The following VWA3A variants were observed in gnomAD, a reference collection of about 807,000 sequenced individuals.
VWA3A encodes the protein von Willebrand factor A domain-containing protein 3A.
A neutral mutation model predicts 160.4 loss-of-function variants in VWA3A; 134 were observed. That is an observed-to-expected ratio of 0.84 (90% CI 0.73 to 0.96). The LOEUF (loss-of-function observed/expected upper bound fraction) is 0.96, where lower values mean the gene tolerates loss of function less well. Ranked by LOEUF, VWA3A falls within the 40% of genes least tolerant of loss-of-function variation. The probability of loss-of-function intolerance (pLI) is 0.00; values close to 1 mark genes in which losing one functional copy is unlikely to be tolerated. For missense variants in VWA3A, 1,310 were observed against 1,447.9 expected (o/e 0.90, Z 1.55); for synonymous variants, 476 against 543.4 (o/e 0.88, Z 1.72).
chr16:22,120,192 G>A lies in VWA3A; in HGVS notation c.1117-776G>A, dbSNP rs28434338. ...TAACTTGCCTGAGATTGCAAAGATAGAAATAGATTGAGTTTGGATTGAACC... is the reference window on the plus strand; with the variant it reads ...TAACTTGCCTGAGATTGCAAAGATAAAAATAGATTGAGTTTGGATTGAACC... On this transcript the variant is annotated intron_variant, in intron 12 of 33. Transcript: ENST00000389398. 6.6e-5 allele frequency among the ~76,000 whole-genome samples: 10 copies of A among 152,236 alleles called. No homozygotes were observed. In the South Asian group the frequency reaches 2.1e-3, roughly 32 times the overall value.
intron 9 of VWA3A, 74 bp from the exon 10 acceptor site, chr16:22,116,685 T>C (rs2045653730): frequency 8.4e-7 from 1 of 1,194,756 alleles, no homozygotes; most frequent in African/African-American, 1.5e-5. Flanking sequence ...TCCTTGGGAA[T>C]TACCGTTTTG....
intron 25 of VWA3A, among the ~76,000 whole-genome samples, chr16:22,143,703 G>A (rs769771719): frequency 5.9e-5 from 9 of 151,750 alleles, no homozygotes; most frequent in East Asian, 1.9e-4. Context: ...GGAGGTGCGC[G>A]ATAGATTTTG....
chr16:22,123,841 AC>A lies in VWA3A; in HGVS notation c.1532+139del, dbSNP rs548582624. 5 of 799,846 alleles carry A rather than the reference AC, an allele frequency of 6.3e-6. No individual in the cohort carries two copies. In the African/African-American group the frequency reaches 8.7e-5, roughly 14 times the overall value. 49.5% of individuals were successfully genotyped at this position (799,846 alleles called of 1,614,324 possible). On this transcript the variant is annotated intron_variant, in intron 16 of 33. Coordinates refer to ENST00000389398, the MANE Select transcript of VWA3A (RefSeq NM_173615.5). ...TAGGGATTAGGAATCTCTCAGCAGAACCCCCAGAGGAGGAAAAAGTCACCAA... is the reference window on the plus strand; with the variant it reads ...TAGGGATTAGGAATCTCTCAGCAGAACCCCAGAGGAGGAAAAAGTCACCAA...
intron 7 of VWA3A, among the ~76,000 whole-genome samples, chr16:22,110,464 C>T (rs536722369): frequency 1.8e-4 from 28 of 152,244 alleles, no homozygotes; most frequent in Admixed American, 9.2e-4. Flanking sequence ...GTCCTCAGGA[C>T]GGAGTTTCCA....
chr16:22,120,588 G>A (rs180749228), intron 12 of VWA3A, among the ~76,000 whole-genome samples: 19 of 152,248 alleles, frequency 1.2e-4, no homozygotes, highest in Admixed American at 7.2e-4. Context: ...ATCTCTCAGC[G>A]CCTCAGTTCT....
chr16:22,149,403 T>C (rs968443308), intron 28 of VWA3A, among the ~76,000 whole-genome samples: 1 of 152,144 alleles, frequency 6.6e-6, no homozygotes, highest in Non-Finnish European at 1.5e-5. Context: ...CATGCCTGGC[T>C]AATTTTTTAA....
At chr16:22,129,138 C>T (rs1215934583) in intron 17 of VWA3A, among the ~76,000 whole-genome samples, 3 of 150,564 alleles carry the variant, frequency 2.0e-5, no homozygotes, top group Non-Finnish European at 4.4e-5. Context: ...GCTTGTAATC[C>T]CAGCACTTTG....
chr16:22,156,013 T>A lies in VWA3A; in HGVS notation c.*15-19T>A. 1 of 1,342,904 alleles carries A rather than the reference T, an allele frequency of 7.4e-7. No individual in the cohort carries two copies. The highest frequency in any genetic ancestry group is 1.0e-6 in the Non-Finnish European group (1 of 962,176). 83.2% of individuals were successfully genotyped at this position (1,342,904 alleles called of 1,614,324 possible). ...GTCAATAATAACTTTGGTTAAAAAA[T>A]AATGATTCCTCTAAACAGAAAAGTC... On this transcript the variant is annotated intron_variant, in intron 33 of 33. Transcript: ENST00000389398.
In VWA3A at chr16:22,103,496, G is replaced by A. The variant is rs572397934; in HGVS notation, c.450G>A (p.Glu150=). Residue 150 remains glutamate (E), a synonymous_variant, in exon 6 of 34, where the codon GAG becomes GAA. Coordinates refer to ENST00000389398, the MANE Select transcript of VWA3A (RefSeq NM_173615.5). Reference sequence around the variant, plus strand: ...ACAGCACTATTGAAGTCTATCAAGAGAGAATTCAGTGGCTCACAGAAAACA... The same window carrying A: ...ACAGCACTATTGAAGTCTATCAAGAAAGAATTCAGTGGCTCACAGAAAACA... ...KLSDTIEVYQ[E]RIQWLTENSK... The A allele has an allele frequency of 6.4e-7, 1 of 1,551,882 alleles. No individual in the cohort carries two copies. Among genetic ancestry groups the A allele is most frequent in the Admixed American group, 2.0e-5 (1 of 50,996 alleles).
Position 22,126,227 on chromosome 16 carries a change from C to T in VWA3A, c.1582C>T (p.His528Tyr). ...ISATNSMYII[H>Y]IQHSLRLLLE... ...TGCGACCAATTCCATGTACATTATT[C>T]ATATCCAGCACTCCCTGCGGCTGCT... The change falls in exon 17 of 34, where the codon CAT becomes TAT. Residue 528 changes from histidine to tyrosine, a missense_variant. Physicochemically the swap from His to Tyr is moderately conservative, Grantham distance 83. Transcript: ENST00000389398. 1.9e-6 allele frequency: 3 copies of T among 1,613,966 alleles called. No homozygotes were observed. Among genetic ancestry groups the T allele is most frequent in the Non-Finnish European group, 2.5e-6 (3 of 1,179,882 alleles).
chr16:22,092,674 T>C, intron 1 of VWA3A, 23 bp downstream of exon 1: 1 of 1,550,402 alleles, frequency 6.4e-7, no homozygotes, highest in Non-Finnish European at 8.7e-7. Flanking sequence ...ATCACAAGGG[T>C]TGACAGGGGT....
At chr16:22,125,666 G>A (rs1427560292) in intron 16 of VWA3A, among the ~76,000 whole-genome samples, 2 of 151,800 alleles carry the variant, frequency 1.3e-5, no homozygotes, top group African/African-American at 2.4e-5. Flanking sequence ...CTTGTGATCC[G>A]CCCGCCTCGG....
intron 22 of VWA3A, among the ~76,000 whole-genome samples, chr16:22,139,898 CATACATACACATAT>C (rs2141989836): frequency 6.6e-6 from 1 of 152,258 alleles, no homozygotes; most frequent in African/African-American, 2.4e-5. Context: ...CACACACATG[CATACATACACATAT>C]GCACATGCAC....
intron 7 of VWA3A, among the ~76,000 whole-genome samples, chr16:22,109,960 A>AT (rs2045530380): frequency 1.3e-5 from 2 of 152,180 alleles, no homozygotes; most frequent in Admixed American, 1.3e-4. Context: ...TTCCCATTGG[A>AT]TACTCACCAG....
chr16:22,128,043 C>G (rs1338046400), intron 17 of VWA3A, among the ~76,000 whole-genome samples: 1 of 152,068 alleles, frequency 6.6e-6, no homozygotes, highest in Non-Finnish European at 1.5e-5. Context: ...GTAGAGGCAA[C>G]AGCATGAGCA....
intron 8 of VWA3A, among the ~76,000 whole-genome samples, chr16:22,113,076 C>G (rs1399513870): frequency 6.6e-6 from 1 of 152,218 alleles, no homozygotes; most frequent in African/African-American, 2.4e-5. Context: ...TGGATGGCAG[C>G]CAAAAGTTCT....
Position 22,123,080 on chromosome 16 carries a change from T to G in VWA3A, c.1357-5T>G. On this transcript the variant is annotated splice_polypyrimidine_tract_variant and splice_region_variant and intron_variant, in intron 14 of 33. Coordinates refer to ENST00000389398, the MANE Select transcript of VWA3A (RefSeq NM_173615.5). ...GCTCACCCTCCTGCCCATGCCTGAG[T>G]ATAGAAGGCAATGATACAATTTGAA... The G allele has an allele frequency of 6.3e-7, 1 of 1,595,804 alleles. No individual in the cohort carries two copies. The highest frequency in any genetic ancestry group is 8.5e-7 in the Non-Finnish European group (1 of 1,170,432).
At chr16:22,112,204 T>C (rs945239874) in intron 8 of VWA3A, among the ~76,000 whole-genome samples, 3 of 152,122 alleles carry the variant, frequency 2.0e-5, no homozygotes, top group African/African-American at 7.2e-5. Flanking sequence ...ACTTATCCAG[T>C]GAGTAGAAAT....
chr16:22,133,972 A>AT (rs972982819), intron 20 of VWA3A, among the ~76,000 whole-genome samples: 5 of 151,880 alleles, frequency 3.3e-5, no homozygotes, highest in African/African-American at 4.8e-5. Flanking sequence ...AAAAAGCAAC[A>AT]TTTTTTTTAG....
Sources: allele counts gnomAD v4.1 joint callset (sites outside exome capture counted in the v4.1 genomes callset), GRCh38; gene constraint gnomAD v4.1.1; transcripts MANE v1.5; gene names NCBI Gene and HGNC (gene_info 2026-07-23, HGNC 2026-07-21).